NYAP2: variants seen among roughly 807,000 people sequenced by gnomAD.
NYAP2 encodes the protein neuronal tyrosine-phosphorylated phosphoinositide-3-kinase adaptor 2, also known as neuronal tyrosine-phosphorylated phosphoinositide-3-kinase adapter 2.
In NYAP2, 23 loss-of-function variants were observed where a neutral mutation model predicts 50.4. The ratio of observed to expected loss-of-function variants is 0.46; its 90% CI spans 0.33 to 0.65. The LOEUF is 0.65. NYAP2 is among the 30% of genes least tolerant of loss of function. The pLI is 0.02. For synonymous variants in NYAP2, 394 were observed against 365.2 expected (o/e 1.08, Z -0.90); for missense variants, 885 against 861.0 (o/e 1.03, Z -0.35).
the NYAP2 span, among the ~76,000 whole-genome samples, chr2:225,672,077 G>A: frequency 1.3e-5 from 2 of 151,948 alleles, no homozygotes; most frequent in Non-Finnish European, 2.9e-5. Context: ...AATGAGCATT[G>A]GCTTCAACTT....
chr2:225,614,015 A>G (rs927840818), intron 5 of NYAP2, among the ~76,000 whole-genome samples: 14 of 152,190 alleles, frequency 9.2e-5, no homozygotes, highest in Admixed American at 7.2e-4. Context: ...ATAGAAGTAT[A>G]CAAGTTTAGA....
intron 4 of NYAP2, among the ~76,000 whole-genome samples, chr2:225,578,703 C>T (rs1461095914): frequency 2.0e-5 from 3 of 152,068 alleles, no homozygotes; most frequent in Non-Finnish European, 4.4e-5. Flanking sequence ...GAAACTTAAG[C>T]GGCTTGGAAA....
intron 4 of NYAP2, among the ~76,000 whole-genome samples, chr2:225,562,559 G>C (rs1486324800): frequency 6.6e-6 from 1 of 152,058 alleles, no homozygotes; most frequent in Non-Finnish European, 1.5e-5. Flanking sequence ...ATTCCTATTG[G>C]CTGAGAACAA....
At chr2:225,500,951 C>T (rs1319112605) in intron 3 of NYAP2, among the ~76,000 whole-genome samples, 1 of 152,054 alleles carries the variant, frequency 6.6e-6, no homozygotes, top group African/African-American at 2.4e-5. Flanking sequence ...CACCCTAAAA[C>T]AGAAAAAGAG....
chr2:225,439,756 A>T (rs148961341), intron 3 of NYAP2, among the ~76,000 whole-genome samples: 1 of 152,310 alleles, frequency 6.6e-6, no homozygotes, highest in East Asian at 1.9e-4. Flanking sequence ...GTTCATTCTC[A>T]TGCTGCTATG....
the NYAP2 span, among the ~76,000 whole-genome samples, chr2:225,666,328 G>A: frequency 6.6e-6 from 1 of 152,048 alleles, no homozygotes; most frequent in Non-Finnish European, 1.5e-5. Context: ...GTCAAACTCT[G>A]TAAAATATTT....
intron 5 of NYAP2, among the ~76,000 whole-genome samples, chr2:225,614,063 T>A (rs1446790375): frequency 6.6e-6 from 1 of 152,146 alleles, no homozygotes; most frequent in Non-Finnish European, 1.5e-5. Flanking sequence ...AAATCCACGA[T>A]TGTATCTGAG....
At chr2:225,694,246 T>C in the NYAP2 span, among the ~76,000 whole-genome samples, 4 of 152,082 alleles carry the variant, frequency 2.6e-5, no homozygotes, top group South Asian at 2.1e-4. Context: ...GTTTTAATAG[T>C]CAATTCCCAG....
chr2:225,618,826 A>G (rs1393835530), intron 5 of NYAP2, among the ~76,000 whole-genome samples: 2 of 152,224 alleles, frequency 1.3e-5, no homozygotes, highest in East Asian at 3.8e-4. Context: ...TGGAAAATAA[A>G]CGGAAATGGA....
intron 4 of NYAP2, among the ~76,000 whole-genome samples, chr2:225,536,598 T>C (rs1691355197): frequency 6.6e-6 from 1 of 152,182 alleles, no homozygotes; most frequent in South Asian, 2.1e-4. Context: ...GATATTTTTA[T>C]ATAACCATAC....
In NYAP2 at chr2:225,417,367, G is replaced by A. The variant is rs572116438; in HGVS notation, c.221+8266G>A. 1.1e-4 allele frequency among the ~76,000 whole-genome samples: 17 copies of A among 152,110 alleles called. No homozygotes were observed. The Middle Eastern group carries it at 0.01, about 91-fold the overall frequency. ...AATTTTAATCATGAATTGGTAAAAGGAAAATCAAGTCCCCCCTCAAAATGA... is the reference window on the plus strand; with the variant it reads ...AATTTTAATCATGAATTGGTAAAAGAAAAATCAAGTCCCCCCTCAAAATGA... On this transcript the variant is annotated intron_variant, in intron 3 of 6. Transcript: ENST00000636099.
intron 5 of NYAP2, among the ~76,000 whole-genome samples, chr2:225,624,783 A>G (rs2106256642): frequency 6.6e-6 from 1 of 152,286 alleles, no homozygotes; most frequent in Non-Finnish European, 1.5e-5. Context: ...ATATTATCAG[A>G]TTTTTAAAAT....
chr2:225,533,688 C>CAA (rs557756613), intron 4 of NYAP2, among the ~76,000 whole-genome samples: 1 of 134,220 alleles, frequency 7.5e-6, no homozygotes, highest in African/African-American at 2.7e-5. Context: ...GACTCTGTCT[C>CAA]AAAAAAAAAA....
chr2:225,583,023 G>A lies in NYAP2; in HGVS notation c.1606G>A (p.Glu536Lys), dbSNP rs1257681161. ...GTCGTCCAGTGGCCGGCGCTCCAAA[G>A]AGCCTGCAGAGAGTAAGTGTGCAGG... Residue 536 changes from glutamate (E) to lysine (K), a missense_variant, in exon 5 of 7, where the codon GAG becomes AAG. By Grantham distance (56) the Glu-to-Lys change is moderately conservative. Transcript: ENST00000636099. 6 of 1,610,680 alleles carry A rather than the reference G, an allele frequency of 3.7e-6. No homozygotes were observed. The Admixed American group carries it at 5.0e-5, about 13-fold the overall frequency.
At position 225,585,367 on chromosome 2, in the gene NYAP2, A is replaced by G. The variant is rs945112549; in HGVS notation, c.1618+2332A>G. On this transcript the variant is annotated intron_variant, in intron 5 of 6. Transcript: ENST00000636099. ...GCTGGCAGCTATGCCAATTAACTAG[A>G]AAAAAAAAGTATATGTAAAAGAAAT... is the stretch of plus-strand genomic sequence containing the variant. Among the ~76,000 whole-genome samples, 4 of 151,984 alleles carry G rather than the reference A, an allele frequency of 2.6e-5. No homozygotes were observed. In the East Asian group the frequency reaches 7.7e-4, roughly 29 times the overall value.
chr2:225,539,790 G>A (rs948554996), intron 4 of NYAP2, among the ~76,000 whole-genome samples: 2 of 151,872 alleles, frequency 1.3e-5, no homozygotes, highest in African/African-American at 4.8e-5. Flanking sequence ...TCTGAAAATG[G>A]GATTTTCTTT....
chr2:225,513,649 G>A (rs765079577), exon 4 of NYAP2: 2 of 1,518,800 alleles, frequency 1.3e-6, no homozygotes, highest in South Asian at 2.6e-5. Context: ...AGTAAGAGCG[G>A]GAAAACCCCT....
chr2:225,442,463 T>A (rs1689486700), intron 3 of NYAP2, among the ~76,000 whole-genome samples: 2 of 152,222 alleles, frequency 1.3e-5, no homozygotes, highest in South Asian at 4.1e-4. Flanking sequence ...CCTGTCTGAG[T>A]TTCTGGAAAT....
the NYAP2 span, among the ~76,000 whole-genome samples, chr2:225,683,185 A>T: frequency 6.6e-6 from 1 of 152,178 alleles, no homozygotes. Flanking sequence ...AATAATTTTC[A>T]GCAAAAACTT....
Sources: allele counts gnomAD v4.1 joint callset (sites outside exome capture counted in the v4.1 genomes callset), GRCh38; gene constraint gnomAD v4.1.1; transcripts MANE v1.5; gene names NCBI Gene and HGNC (gene_info 2026-07-23, HGNC 2026-07-21).